ATP2B2: variants seen among roughly 807,000 people sequenced by gnomAD.
The protein encoded by ATP2B2 is ATPase plasma membrane Ca2+ transporting 2.
Under a neutral mutation model 120.0 loss-of-function variants are expected in ATP2B2, and 15 were observed. That is an observed-to-expected ratio of 0.12 (90% CI 0.08 to 0.19). The LOEUF (loss-of-function observed/expected upper bound fraction) is 0.19, where lower values mean the gene tolerates loss of function less well. Among genes scored for constraint, ATP2B2 ranks in the 10% least tolerant of loss-of-function variants. The pLI is 1.00. For synonymous variants in ATP2B2, 694 were observed against 700.3 expected (o/e 0.99, Z 0.14); for missense variants, 1,045 against 1,719.8 (o/e 0.61, Z 6.94).
At position 10,432,197 on chromosome 3, in the gene ATP2B2, T is replaced by A. The variant is rs1041660911; in HGVS notation, c.199+17148A>T. Among the ~76,000 whole-genome samples, 20 of 152,338 alleles carry A rather than the reference T, an allele frequency of 1.3e-4. 1 individual carries two copies. Among genetic ancestry groups the A allele is most frequent in the African/African-American group, 4.3e-4 (18 of 41,570 alleles). On this transcript the variant is annotated intron_variant, in intron 2 of 22. Coordinates refer to ENST00000360273, the MANE Select transcript of ATP2B2 (RefSeq NM_001001331.4). Reference sequence around the variant, plus strand: ...GGCCTCGGGCACACTGTGCCTCAGTTTCCTCATCTGTAGGACAGTGATAAT... The same window carrying A: ...GGCCTCGGGCACACTGTGCCTCAGTATCCTCATCTGTAGGACAGTGATAAT...
intron 22 of ATP2B2, chr3:10,332,108 T>C: frequency 7.2e-7 from 1 of 1,388,098 alleles, no homozygotes; most frequent in Non-Finnish European, 1.0e-6. Context: ...AGCAAGCCAT[T>C]TTCTCGCCAA....
chr3:10,511,450 G>A (rs1198148765), intron 3 of ATP2B2, among the ~76,000 whole-genome samples: 1 of 152,206 alleles, frequency 6.6e-6, no homozygotes, highest in Non-Finnish European at 1.5e-5. Context: ...ATGCAGGTTT[G>A]TTGAATGAAA....
At chr3:10,549,426 C>T (rs2067620163) in intron 2 of ATP2B2, among the ~76,000 whole-genome samples, 1 of 151,266 alleles carries the variant, frequency 6.6e-6, no homozygotes, top group Admixed American at 6.6e-5. Flanking sequence ...AGAAAATGTG[C>T]CTACCACACA....
chr3:10,515,507 C>T (rs2066860392), intron 3 of ATP2B2, among the ~76,000 whole-genome samples: 1 of 152,182 alleles, frequency 6.6e-6, no homozygotes, highest in South Asian at 2.1e-4. Flanking sequence ...AGGGTGGTAA[C>T]CATTTCCCCT....
intron 2 of ATP2B2, among the ~76,000 whole-genome samples, chr3:10,617,289 C>T (rs1460067513): frequency 6.6e-6 from 1 of 152,178 alleles, no homozygotes; most frequent in African/African-American, 2.4e-5. Flanking sequence ...ATGCCACTCT[C>T]AGGGGTATAA....
intron 2 of ATP2B2, among the ~76,000 whole-genome samples, chr3:10,568,710 A>C (rs1321828000): frequency 6.6e-6 from 1 of 152,222 alleles, no homozygotes. Context: ...ATCCCTGAAT[A>C]ACCACTCAGA....
chr3:10,542,354 G>C (rs2067457938), intron 2 of ATP2B2, among the ~76,000 whole-genome samples: 1 of 152,058 alleles, frequency 6.6e-6, no homozygotes, highest in Non-Finnish European at 1.5e-5. Context: ...TACAATTTTT[G>C]CTTCAGTTGT....
At chr3:10,675,774 C>T (rs941692535) in intron 1 of ATP2B2, among the ~76,000 whole-genome samples, 5 of 152,214 alleles carry the variant, frequency 3.3e-5, no homozygotes, top group African/African-American at 1.2e-4. Flanking sequence ...GCAGGGGACA[C>T]TCCAGCCACA....
At chr3:10,355,030 C>G (rs1240317496) in intron 14 of ATP2B2, among the ~76,000 whole-genome samples, 1 of 152,156 alleles carries the variant, frequency 6.6e-6, no homozygotes, top group Non-Finnish European at 1.5e-5. Context: ...TAGTGGTTAC[C>G]TCTGAGGTGG....
At position 10,378,426 on chromosome 3, in the gene ATP2B2, C is replaced by T. The variant is rs769742036; in HGVS notation, c.1043-16G>A. ...TGTTGTTTGGCTGCAGGGGGCAGAT[C>T]ACGCACGTGCATACACACAGACACA... On this transcript the variant is annotated splice_polypyrimidine_tract_variant and intron_variant, in intron 9 of 22. Coordinates refer to ENST00000360273, the MANE Select transcript of ATP2B2 (RefSeq NM_001001331.4). 6.3e-7 allele frequency: 1 copy of T among 1,599,826 alleles called. No individual in the cohort carries two copies. Among genetic ancestry groups the T allele is most frequent in the Non-Finnish European group, 8.5e-7 (1 of 1,179,950 alleles).
chr3:10,599,198 G>C (rs190910738), intron 2 of ATP2B2, among the ~76,000 whole-genome samples: 2 of 152,352 alleles, frequency 1.3e-5, no homozygotes, highest in South Asian at 2.1e-4. Flanking sequence ...ACCTTCAGTA[G>C]CTACCCACGG....
chr3:10,652,702 A>G (rs1023624374), intron 1 of ATP2B2, among the ~76,000 whole-genome samples: 5 of 152,240 alleles, frequency 3.3e-5, no homozygotes, highest in Non-Finnish European at 1.5e-5. Context: ...ATATGGGAAC[A>G]ACGCAAGTGT....
chr3:10,620,127 C>G (rs1262560496), intron 1 of ATP2B2, among the ~76,000 whole-genome samples: 1 of 152,192 alleles, frequency 6.6e-6, no homozygotes, highest in East Asian at 1.9e-4. Flanking sequence ...GGCTTTCTGG[C>G]TCCGCTGGGG....
chr3:10,427,382 T>C (rs963393494), intron 2 of ATP2B2, among the ~76,000 whole-genome samples: 27 of 152,202 alleles, frequency 1.8e-4, no homozygotes, highest in African/African-American at 6.5e-4. Context: ...GCATCTCCCA[T>C]CTGGCTATTC....
At chr3:10,536,285 A>T (rs1446550363) in intron 2 of ATP2B2, among the ~76,000 whole-genome samples, 3 of 149,596 alleles carry the variant, frequency 2.0e-5, no homozygotes, top group Non-Finnish European at 3.0e-5. Context: ...TGGTTTGCAA[A>T]TATTTTCTTC....
At chr3:10,468,603 A>G (rs17032939) in intron 1 of ATP2B2, among the ~76,000 whole-genome samples, 49,488 of 152,170 alleles carry the variant, frequency 0.33, 8,665 homozygotes, top group Non-Finnish European at 0.36. Context: ...CTCACCTGTA[A>G]CCCTGGAAAG....
At chr3:10,380,474 C>T (rs1233262480) in intron 8 of ATP2B2, among the ~76,000 whole-genome samples, 1 of 152,218 alleles carries the variant, frequency 6.6e-6, no homozygotes, top group Non-Finnish European at 1.5e-5. Context: ...TCTGAGATTC[C>T]ATCTAATCCT....
At chr3:10,648,153 T>G (rs73037804) in intron 1 of ATP2B2, among the ~76,000 whole-genome samples, 6,176 of 152,158 alleles carry the variant, frequency 0.041, 164 homozygotes, top group South Asian at 0.093. Context: ...CCCAGCTGGT[T>G]GCCCTTGAAC....
intron 2 of ATP2B2, among the ~76,000 whole-genome samples, chr3:10,534,426 C>A (rs532543394): frequency 6.6e-6 from 1 of 152,356 alleles, no homozygotes; most frequent in African/African-American, 2.4e-5. Context: ...GAGAGGGCTG[C>A]CCCTTTCACT....
Sources: allele counts gnomAD v4.1 joint callset (sites outside exome capture counted in the v4.1 genomes callset), GRCh38; gene constraint gnomAD v4.1.1; transcripts MANE v1.5; gene names NCBI Gene and HGNC (gene_info 2026-07-23, HGNC 2026-07-21).